NCKAP5: variants seen among roughly 807,000 people sequenced by gnomAD.
The protein encoded by NCKAP5 is nck-associated protein 5.
Under a neutral mutation model 167.0 loss-of-function variants are expected in NCKAP5, and 92 were observed. The observed-to-expected ratio is 0.55, with a 90% confidence interval of 0.47 to 0.66. The LOEUF is 0.66. NCKAP5 is among the 30% of genes least tolerant of loss of function. NCKAP5 has a pLI of 0.00. For synonymous variants in NCKAP5, 891 were observed against 877.4 expected (o/e 1.02, Z -0.27); for missense variants, 2,378 against 2,315.0 (o/e 1.03, Z -0.56).
chr2:133,402,877 C>A (rs527435073), intron 3 of NCKAP5, among the ~76,000 whole-genome samples: 2 of 152,280 alleles, frequency 1.3e-5, no homozygotes, highest in African/African-American at 4.8e-5. Flanking sequence ...TCTTTCACAG[C>A]GATGCAAATG....
chr2:133,358,661 G>T (rs139313989), intron 3 of NCKAP5, among the ~76,000 whole-genome samples: 12 of 152,062 alleles, frequency 7.9e-5, no homozygotes, highest in African/African-American at 2.9e-4. Context: ...TTCTGTTGTG[G>T]CCTGGGAGTT....
intron 2 of NCKAP5, among the ~76,000 whole-genome samples, chr2:133,533,881 G>T (rs1166046979): frequency 6.6e-6 from 1 of 152,010 alleles, no homozygotes; most frequent in East Asian, 1.9e-4. Context: ...ATTACCTAAG[G>T]TATGTAAGTA....
At chr2:132,927,051 T>G (rs1022031562) in intron 8 of NCKAP5, among the ~76,000 whole-genome samples, 1 of 152,128 alleles carries the variant, frequency 6.6e-6, no homozygotes, top group African/African-American at 2.4e-5. Context: ...TTTTTATATG[T>G]GGTGAGAGAC....
chr2:133,264,904 A>C (rs1315939499), intron 4 of NCKAP5: 2 of 152,204 alleles, frequency 1.3e-5, no homozygotes, highest in Non-Finnish European at 2.9e-5. Flanking sequence ...AGAAAACAAA[A>C]AACAAACAAA....
intron 6 of NCKAP5, among the ~76,000 whole-genome samples, chr2:133,017,040 A>G (rs992316962): frequency 6.6e-6 from 1 of 152,224 alleles, no homozygotes; most frequent in African/African-American, 2.4e-5. Flanking sequence ...CAATATTTAT[A>G]TCCTTTCCAC....
At chr2:133,095,355 C>T (rs1279593964) in intron 6 of NCKAP5, among the ~76,000 whole-genome samples, 4 of 152,182 alleles carry the variant, frequency 2.6e-5, no homozygotes, top group Admixed American at 6.5e-5. Flanking sequence ...CAAACCAGCT[C>T]CTTCTCTTGT....
At chr2:133,601,360 A>T in the NCKAP5 span, among the ~76,000 whole-genome samples, 1 of 152,208 alleles carries the variant, frequency 6.6e-6, no homozygotes, top group African/African-American at 2.4e-5. Context: ...TTCATTCAAC[A>T]AATAATTACA....
intron 3 of NCKAP5, among the ~76,000 whole-genome samples, chr2:133,389,533 G>C (rs758208876): frequency 6.6e-6 from 1 of 152,166 alleles, no homozygotes. Context: ...TTAGAGACTC[G>C]ACATGGAAGA....
At chr2:133,504,197 G>T (rs566992497) in intron 3 of NCKAP5, among the ~76,000 whole-genome samples, 1 of 151,112 alleles carries the variant, frequency 6.6e-6, no homozygotes, top group African/African-American at 2.4e-5. Context: ...GTGAGTCCTT[G>T]GTTATATGAG....
At chr2:133,538,189 T>A (rs1261314077) in intron 2 of NCKAP5, among the ~76,000 whole-genome samples, 1 of 152,224 alleles carries the variant, frequency 6.6e-6, no homozygotes, top group Non-Finnish European at 1.5e-5. Flanking sequence ...TACTATTGCC[T>A]TTTAAAATTA....
chr2:132,802,556 T>G (rs1488261108), intron 11 of NCKAP5, among the ~76,000 whole-genome samples: 1 of 152,192 alleles, frequency 6.6e-6, no homozygotes, highest in Non-Finnish European at 1.5e-5. Context: ...GAGTATCTTT[T>G]GATATTGCTC....
chr2:132,920,199 A>G (rs1048216233), intron 8 of NCKAP5, among the ~76,000 whole-genome samples: 15 of 151,860 alleles, frequency 9.9e-5, no homozygotes, highest in African/African-American at 3.4e-4. Context: ...TGTGTGATGT[A>G]TCTATGCCAG....
intron 6 of NCKAP5, among the ~76,000 whole-genome samples, chr2:133,085,566 A>C (rs2080959899): frequency 6.6e-6 from 1 of 152,140 alleles, no homozygotes; most frequent in South Asian, 2.1e-4. Context: ...AGGTAGCATA[A>C]AAAAAAGCTG....
chr2:132,788,286 A>G (rs1330725252), intron 13 of NCKAP5, among the ~76,000 whole-genome samples: 1 of 152,132 alleles, frequency 6.6e-6, no homozygotes, highest in African/African-American at 2.4e-5. Flanking sequence ...CCTGTGTTTA[A>G]TGTCCACAGT....
chr2:133,158,918 C>T (rs1201639677), intron 5 of NCKAP5, among the ~76,000 whole-genome samples: 1 of 123,572 alleles, frequency 8.1e-6, no homozygotes, highest in African/African-American at 2.8e-5. Context: ...GGCTTGTGCT[C>T]TTAAGGGCTA....
intron 2 of NCKAP5, among the ~76,000 whole-genome samples, chr2:133,553,560 T>C (rs1001385790): frequency 6.6e-6 from 1 of 151,560 alleles, no homozygotes; most frequent in African/African-American, 2.4e-5. Flanking sequence ...TTAGATGGAG[T>C]TTAAATAGGT....
In NCKAP5 at chr2:133,526,274, AGGG is replaced by A. The variant is rs1481324314; in HGVS notation, c.-61-8690_-61-8688del. Among the ~76,000 whole-genome samples, 3 of 74,070 alleles carry A rather than the reference AGGG, an allele frequency of 4.1e-5. No homozygotes were observed. In the Admixed American group the frequency reaches 5.9e-4, roughly 15 times the overall value. The allele number at this position is 74,070 out of a possible 152,430, so 48.6% of individuals were successfully genotyped here. On this transcript the variant is annotated intron_variant, in intron 2 of 19. Coordinates refer to ENST00000409261, the MANE Select transcript of NCKAP5 (RefSeq NM_207363.3). The stretch of plus-strand genomic sequence containing the variant: ...GAGGGAGGGAGGGAAGGAGGGAGGG[AGGG>A]AAGGAGGGAGGGAGGGAAGGAGGGA...
chr2:133,436,054 C>T (rs1690456510), intron 3 of NCKAP5, among the ~76,000 whole-genome samples: 1 of 152,218 alleles, frequency 6.6e-6, no homozygotes, highest in Non-Finnish European at 1.5e-5. Context: ...GCTCATGCCC[C>T]TCCATCCCAT....
chr2:133,116,059 T>C (rs997786739), intron 6 of NCKAP5, among the ~76,000 whole-genome samples: 1 of 151,810 alleles, frequency 6.6e-6, no homozygotes, highest in African/African-American at 2.4e-5. Context: ...ATTTCTCCAA[T>C]TGTTAAGGGT....
Sources: allele counts gnomAD v4.1 joint callset (sites outside exome capture counted in the v4.1 genomes callset), GRCh38; gene constraint gnomAD v4.1.1; transcripts MANE v1.5; gene names NCBI Gene and HGNC (gene_info 2026-07-23, HGNC 2026-07-21).